Variants in DKC1 observed in about 807,000 individuals in gnomAD.
DKC1 encodes the protein H/ACA ribonucleoprotein complex subunit DKC1.
A neutral mutation model predicts 46.7 loss-of-function variants in DKC1; 4 were observed. The observed-to-expected ratio is 0.09, with a 90% CI of 0.04 to 0.20. The LOEUF (loss-of-function observed/expected upper bound fraction) is 0.20, where lower values mean the gene tolerates loss of function less well. Ranked by LOEUF, DKC1 falls within the 10% of genes least tolerant of loss-of-function variation. The probability of loss-of-function intolerance (pLI) is 1.00; values close to 1 mark genes in which losing one functional copy is unlikely to be tolerated. For missense variants in DKC1, 171 were observed against 404.2 expected, an observed-to-expected ratio of 0.42 and a Z score of 4.95; for synonymous variants, 141 against 142.4, an observed-to-expected ratio of 0.99 and a Z score of 0.07.
At position 154,762,955 on chromosome X, in the gene DKC1, T is replaced by C; in HGVS notation, c.-11T>C. 8.5e-7 allele frequency: 1 copy of C among 1,181,544 alleles called. No individual in the cohort carries two copies. The highest frequency in any genetic ancestry group is 1.1e-6 in the Non-Finnish European group (1 of 880,171). On this transcript the variant is annotated 5_prime_UTR_variant, in exon 1 of 15. Transcript: ENST00000369550. The stretch of plus-strand genomic sequence containing the variant: ...TGTGGACCGGGCGGCACGCACGCGG[T>C]GCAGGGTAACATGGCGGATGCGGAA...
intron 7 of DKC1, 88 bp from the exon 8 acceptor site, chrX:154,768,214 G>C (rs1486104806): frequency 1.9e-5 from 20 of 1,074,898 alleles, no homozygotes; most frequent in Admixed American, 6.6e-5. Flanking sequence ...CTCTAGTCTT[G>C]GTGGCTCAGA....
chrX:154,775,171 G>T, intron 12 of DKC1, 24 bp from the exon 13 acceptor site: 1 of 1,198,154 alleles, frequency 8.3e-7, no homozygotes, highest in South Asian at 1.8e-5. Flanking sequence ...CAGTGAATTT[G>T]ACCTATTGCT....
intron 9 of DKC1, 86 bp downstream of exon 9, chrX:154,769,396 A>G (rs923546898): frequency 7.2e-5 from 76 of 1,052,437 alleles, no homozygotes; most frequent in Non-Finnish European, 8.4e-5. Context: ...CTTGGGTTTT[A>G]TTTTATTTTT....
intron 8 of DKC1, chrX:154,768,813 G>A (rs1394404895): frequency 1.9e-5 from 5 of 265,812 alleles, no homozygotes; most frequent in Non-Finnish European, 3.3e-5. Context: ...GTGAAACCCC[G>A]TCTCTACTAA....
chrX:154,764,881 C>T lies in DKC1; in HGVS notation c.17-18C>T. The T allele has an allele frequency of 8.5e-7, 1 of 1,173,081 alleles. No individual in the cohort carries two copies. Among genetic ancestry groups the T allele is most frequent in the Non-Finnish European group, 1.2e-6 (1 of 860,444 alleles). ...TATTCTTGGGGAAAATTCCCAAATC[C>T]TGTGTTTGTTTTTTTAGTAATTATT... On this transcript the variant is annotated intron_variant, in intron 1 of 14. Coordinates refer to ENST00000369550, the MANE Select transcript of DKC1 (RefSeq NM_001363.5).
chrX:154,765,265 A>G (rs1313159720), intron 2 of DKC1, 179 bp from the exon 3 acceptor site: 7 of 537,053 alleles, frequency 1.3e-5, no homozygotes, highest in South Asian at 1.2e-4. Flanking sequence ...TCTTAGTGAC[A>G]TTTCACTTCC....
intron 7 of DKC1, chrX:154,767,995 C>T (rs782812807): frequency 2.2e-5 from 6 of 274,236 alleles, no homozygotes; most frequent in Admixed American, 1.6e-4. Context: ...GGACTATAGG[C>T]GCCCGCCATC....
At chrX:154,770,489 AG>A (rs1351107863) in intron 9 of DKC1, among the ~76,000 whole-genome samples, 12 of 107,182 alleles carry the variant, frequency 1.1e-4, no homozygotes, top group Admixed American at 4.0e-4. Context: ...AAAAAAAAAA[AG>A]AAAATACTTG....
chrX:154,774,842 C>T, intron 12 of DKC1, 137 bp downstream of exon 12: 1 of 605,178 alleles, frequency 1.7e-6, no homozygotes, highest in Admixed American at 2.3e-5. Flanking sequence ...ACATGGACAA[C>T]AGGTGAGGAA....
At chrX:154,773,104 ATTCTT>A (rs1557265106) in intron 10 of DKC1, 22 bp from the exon 11 acceptor site, 7 of 1,024,750 alleles carry the variant, frequency 6.8e-6, no homozygotes, top group Non-Finnish European at 9.6e-6. Context: ...CCTTCAAATA[ATTCTT>A]TTCTTTATTC....
chrX:154,773,757 G>A lies in DKC1; in HGVS notation c.1155+508G>A, dbSNP rs186546138. Among the ~76,000 whole-genome samples the A allele has an allele frequency of 2.4e-4, 27 of 112,012 alleles. No homozygotes were observed. In the East Asian group the frequency reaches 7.6e-3, roughly 32 times the overall value. On this transcript the variant is annotated intron_variant, in intron 11 of 14. Coordinates refer to ENST00000369550, the MANE Select transcript of DKC1 (RefSeq NM_001363.5). ...TCTCAATCTTTTCCCCACCTTTCCC[G>A]CCTTTCTATTCCACAAAACCGCCAT...
chrX:154,776,477 C>T (rs782436853), intron 14 of DKC1, among the ~76,000 whole-genome samples, 153 bp downstream of exon 14: 1 of 111,648 alleles, frequency 9.0e-6, no homozygotes, highest in African/African-American at 3.3e-5. Flanking sequence ...CCCCATGTTC[C>T]TGGAGTGCTT....
rs782381308 is a variant in DKC1 at position 154,765,439 on chromosome X, C to T, written c.85-5C>T. ...TTAATAGGTTATATTTCTGTCCTGT[C>T]GAAGGAAATACAACACGCTGAAGAA... On this transcript the variant is annotated splice_polypyrimidine_tract_variant and splice_region_variant and intron_variant, in intron 2 of 14. Coordinates refer to ENST00000369550, the MANE Select transcript of DKC1 (RefSeq NM_001363.5). The T allele has an allele frequency of 1.8e-5, 22 of 1,198,568 alleles. No individual in the cohort carries two copies. The Middle Eastern group carries it at 1.4e-3, about 75-fold the overall frequency.
At chrX:154,774,738 TAG>T (rs2071873413) in intron 12 of DKC1, 33 bp downstream of exon 12, 1 of 1,115,677 alleles carries the variant, frequency 9.0e-7, no homozygotes, top group Admixed American at 2.2e-5. Context: ...CCGGGGTGGG[TAG>T]AGACGGCACA....
chrX:154,770,064 C>G (rs948553327), intron 9 of DKC1, among the ~76,000 whole-genome samples: 1 of 111,973 alleles, frequency 8.9e-6, no homozygotes, highest in African/African-American at 3.3e-5. Flanking sequence ...ATCTTGTTTT[C>G]AAGTTCTTTA....
chrX:154,773,660 T>C (rs1161036188), intron 11 of DKC1, among the ~76,000 whole-genome samples: 1 of 111,195 alleles, frequency 9.0e-6, no homozygotes, highest in East Asian at 2.8e-4. Flanking sequence ...GAAGAGTTTT[T>C]CTTAGTGCAG....
intron 3 of DKC1, 59 bp downstream of exon 3, chrX:154,765,589 TAAAC>T: frequency 1.1e-6 from 1 of 911,476 alleles, no homozygotes; most frequent in Non-Finnish European, 1.6e-6. Context: ...TTCCAAGTGT[TAAAC>T]AATTGATTGA....
chrX:154,765,449 A>C lies in DKC1; in HGVS notation c.90A>C (p.Ile30=). 6.6e-6 allele frequency: 8 copies of C among 1,207,778 alleles called. No homozygotes were observed. Among genetic ancestry groups the C allele is most frequent in the Non-Finnish European group, 9.0e-6 (8 of 891,385 alleles). Residue 30 remains isoleucine, a synonymous_variant, in exon 3 of 15, where the codon ATA becomes ATC. Coordinates refer to ENST00000369550, the MANE Select transcript of DKC1 (RefSeq NM_001363.5). Reference sequence around the variant, plus strand: ...ATATTTCTGTCCTGTCGAAGGAAATACAACACGCTGAAGAATTTCTTATCA... The same window carrying C: ...ATATTTCTGTCCTGTCGAAGGAAATCCAACACGCTGAAGAATTTCTTATCA... The part of the protein sequence containing the change: ...KSLPEEDVAE[I]QHAEEFLIKP...
At chrX:154,769,074 G>T in intron 8 of DKC1, 93 bp from the exon 9 acceptor site, 1 of 795,647 alleles carries the variant, frequency 1.3e-6, no homozygotes, top group Non-Finnish European at 1.8e-6. Context: ...GCTTGGACTA[G>T]TAAACAAGTG....
Sources: gnomAD v4.1 joint callset for allele counts (sites outside exome capture counted in the v4.1 genomes callset) on GRCh38, gnomAD v4.1.1 for gene constraint, MANE v1.5 for transcripts, NCBI Gene and HGNC (gene_info 2026-07-23, HGNC 2026-07-21) for gene names.